The following LINGO1 variants were observed in gnomAD, a reference collection of about 807,000 sequenced individuals.
LINGO1 encodes the protein leucine-rich repeat and immunoglobulin-like domain-containing nogo receptor-interacting protein 1.
In LINGO1, 11 loss-of-function variants were observed where a neutral mutation model predicts 37.3. That is an observed-to-expected ratio of 0.29 (90% confidence interval 0.19 to 0.49). The LOEUF is 0.49. LINGO1 is among the 20% of genes least tolerant of loss of function. The pLI is 0.99. For synonymous variants in LINGO1, 387 were observed against 403.0 expected (o/e 0.96, Z 0.48); for missense variants, 585 against 878.2 (o/e 0.67, Z 4.22).
intron 2 of LINGO1, among the ~76,000 whole-genome samples, chr15:77,707,942 G>A (rs78830831): frequency 1.1e-3 from 172 of 152,280 alleles, no homozygotes; most frequent in East Asian, 0.01. Flanking sequence ...GATGAGATGA[G>A]AGAAAGAAAG....
At chr15:77,779,052 C>T (rs950407159) in intron 1 of LINGO1, among the ~76,000 whole-genome samples, 3 of 152,154 alleles carry the variant, frequency 2.0e-5, no homozygotes, top group Non-Finnish European at 4.4e-5. Context: ...CACCTGGATG[C>T]CCCTGTTTCC....
At chr15:77,772,246 C>A (rs549761491) in intron 1 of LINGO1, among the ~76,000 whole-genome samples, 8 of 152,346 alleles carry the variant, frequency 5.3e-5, no homozygotes, top group Admixed American at 5.2e-4. Context: ...CCACCAGGGT[C>A]AGGCAGTGAG....
intron 2 of LINGO1, among the ~76,000 whole-genome samples, chr15:77,685,364 A>G (rs2141237601): frequency 6.6e-6 from 1 of 152,114 alleles, no homozygotes; most frequent in Admixed American, 6.5e-5. Flanking sequence ...TGGACCAATA[A>G]CCCAACCTCA....
chr15:77,661,140 C>T (rs1001759055), intron 3 of LINGO1, among the ~76,000 whole-genome samples: 1 of 152,174 alleles, frequency 6.6e-6, no homozygotes, highest in Non-Finnish European at 1.5e-5. Context: ...TAGCTTCATC[C>T]CTTGCCCTCA....
intron 1 of LINGO1, among the ~76,000 whole-genome samples, chr15:77,695,002 T>G (rs1223277376): frequency 6.6e-6 from 1 of 152,200 alleles, no homozygotes; most frequent in Non-Finnish European, 1.5e-5. Context: ...ATAATCTTTT[T>G]TTTTTAATTT....
In LINGO1 at chr15:77,774,791, GTCA is replaced by G. The variant is rs201521780; in HGVS notation, c.-257+12075_-257+12077del. On this transcript the variant is annotated intron_variant, in intron 1 of 3. Coordinates refer to the LINGO1 transcript ENST00000561686. ...ATTGGGTCCTGACCCTGGTCATGAG[GTCA>G]TCAGTGGGTGCACCTGGATTTCTAT... Among the ~76,000 whole-genome samples the G allele has an allele frequency of 8.4e-3, 1,272 of 152,312 alleles. 24 individuals are homozygous for G. The highest frequency in any genetic ancestry group is 0.03 in the African/African-American group (1,239 of 41,534).
intron 1 of LINGO1, chr15:77,819,447 G>C (rs1408045403): frequency 6.6e-6 from 1 of 151,822 alleles, no homozygotes; most frequent in African/African-American, 2.4e-5. Flanking sequence ...AGCGCGCAGC[G>C]TGTGCATGTG....
chr15:77,691,491 G>A (rs943338289), intron 1 of LINGO1, among the ~76,000 whole-genome samples: 1 of 112,540 alleles, frequency 8.9e-6, no homozygotes, highest in Admixed American at 9.2e-5. Context: ...CTAGGGAAGG[G>A]ATGTCCCTGG....
At chr15:77,653,752 C>T (rs1327405415) in intron 3 of LINGO1, among the ~76,000 whole-genome samples, 1 of 152,128 alleles carries the variant, frequency 6.6e-6, no homozygotes, top group East Asian at 1.9e-4. Flanking sequence ...TGCCTATCAA[C>T]CCTAACAGTC....
chr15:77,816,548 G>A (rs1782831572), intron 1 of LINGO1, among the ~76,000 whole-genome samples: 1 of 152,156 alleles, frequency 6.6e-6, no homozygotes, highest in Non-Finnish European at 1.5e-5. Context: ...ATATAGCAGG[G>A]TCAGGTCTTG....
chr15:77,786,588 G>A (rs2076773328), intron 1 of LINGO1, among the ~76,000 whole-genome samples: 1 of 152,232 alleles, frequency 6.6e-6, no homozygotes, highest in African/African-American at 2.4e-5. Flanking sequence ...AGGCCATGCA[G>A]AGGAGGGAGG....
At chr15:77,693,494 G>A (rs1014389810) in intron 1 of LINGO1, among the ~76,000 whole-genome samples, 6 of 152,254 alleles carry the variant, frequency 3.9e-5, no homozygotes, top group African/African-American at 1.4e-4. Flanking sequence ...GCTGCAGAGG[G>A]AGGCTGGGGC....
intron 1 of LINGO1, among the ~76,000 whole-genome samples, chr15:77,750,246 G>A (rs189974218): frequency 8.5e-5 from 13 of 152,250 alleles, no homozygotes; most frequent in African/African-American, 2.9e-4. Context: ...CCGTGAGGCC[G>A]CCTCCTGCTC....
At chr15:77,775,016 T>C (rs1219403913) in intron 1 of LINGO1, among the ~76,000 whole-genome samples, 1 of 152,270 alleles carries the variant, frequency 6.6e-6, no homozygotes, top group African/African-American at 2.4e-5. Context: ...TCACGTCGCC[T>C]GGGGCTGGGC....
At chr15:77,758,182 A>C (rs1195314259) in intron 1 of LINGO1, among the ~76,000 whole-genome samples, 1 of 152,156 alleles carries the variant, frequency 6.6e-6, no homozygotes, top group African/African-American at 2.4e-5. Context: ...TTAGAGGCAA[A>C]GGAAAGGAAA....
intron 3 of LINGO1, among the ~76,000 whole-genome samples, chr15:77,668,927 A>G (rs2075196058): frequency 6.6e-6 from 1 of 152,204 alleles, no homozygotes; most frequent in African/African-American, 2.4e-5. Context: ...TGTGGTCTTC[A>G]GACACATGTG....
intron 1 of LINGO1, among the ~76,000 whole-genome samples, chr15:77,742,178 G>T (rs2076271284): frequency 6.6e-6 from 1 of 152,238 alleles, no homozygotes; most frequent in African/African-American, 2.4e-5. Flanking sequence ...CTCAGACTGG[G>T]CCAGAGAAGC....
chr15:77,815,892 C>T (rs574740530), intron 1 of LINGO1, among the ~76,000 whole-genome samples: 2 of 152,282 alleles, frequency 1.3e-5, no homozygotes, highest in South Asian at 4.1e-4. Context: ...TGGTGCCAAC[C>T]TTCTCCATGC....
intron 1 of LINGO1, among the ~76,000 whole-genome samples, chr15:77,776,535 A>AAGGCAGGAAGGCAGGAAGGCT (rs2076654066): frequency 1.7e-5 from 1 of 60,128 alleles, no homozygotes; most frequent in Non-Finnish European, 3.4e-5. Context: ...GAAGGGAGGG[A>AAGGCAGGAAGGCAGGAAGGCT]GGGAGGGAGG....
Sources: gnomAD v4.1 joint callset for allele counts (sites outside exome capture counted in the v4.1 genomes callset) on GRCh38, gnomAD v4.1.1 for gene constraint, MANE v1.5 for transcripts, NCBI Gene and HGNC (gene_info 2026-07-23, HGNC 2026-07-21) for gene names.